The following FIGN variants were observed in gnomAD, a reference collection of about 807,000 sequenced individuals.
FIGN encodes fidgetin.
In FIGN, 11 loss-of-function variants were observed where a neutral mutation model predicts 51.3. The ratio of observed to expected loss-of-function variants is 0.21; its 90% CI spans 0.13 to 0.35. The LOEUF (loss-of-function observed/expected upper bound fraction) is 0.35, where lower values mean the gene tolerates loss of function less well. Among genes scored for constraint, FIGN ranks in the 10% least tolerant of loss-of-function variants. The pLI is 1.00. For missense variants in FIGN, 857 were observed against 943.6 expected (o/e 0.91, Z 1.20); for synonymous variants, 407 against 363.2 (o/e 1.12, Z -1.37).
chr2:163,694,038 C>T (rs1232104048), intron 2 of FIGN, among the ~76,000 whole-genome samples: 1 of 152,160 alleles, frequency 6.6e-6, no homozygotes, highest in Non-Finnish European at 1.5e-5. Context: ...GCTGGAGCAT[C>T]CAGCAGCTCT....
intron 2 of FIGN, among the ~76,000 whole-genome samples, chr2:163,614,822 T>TA (rs1558996628): frequency 3.3e-5 from 5 of 152,068 alleles, no homozygotes; most frequent in Non-Finnish European, 2.9e-5. Context: ...GCTTATTTTT[T>TA]TAAAAAAACA....
At chr2:163,646,173 A>G (rs929506428) in intron 2 of FIGN, among the ~76,000 whole-genome samples, 230 of 152,332 alleles carry the variant, frequency 1.5e-3, no homozygotes, top group African/African-American at 5.1e-3. Context: ...ATCTGCTCAA[A>G]ACCCTTCAAC....
intron 2 of FIGN, among the ~76,000 whole-genome samples, chr2:163,708,793 G>A (rs535054692): frequency 6.6e-6 from 1 of 152,142 alleles, no homozygotes; most frequent in Admixed American, 6.5e-5. Context: ...AGAAAAACAA[G>A]GTAGACACAG....
At chr2:163,706,874 C>CA (rs1404197860) in intron 2 of FIGN, among the ~76,000 whole-genome samples, 8 of 151,554 alleles carry the variant, frequency 5.3e-5, no homozygotes, top group Non-Finnish European at 8.8e-5. Context: ...TTAAAACAAA[C>CA]AAAAAAAATT....
At chr2:163,704,156 A>T (rs534344181) in intron 2 of FIGN, among the ~76,000 whole-genome samples, 2 of 152,266 alleles carry the variant, frequency 1.3e-5, no homozygotes, top group East Asian at 3.9e-4. Flanking sequence ...CCCATTTGAA[A>T]CATCCAAAAA....
chr2:163,660,690 T>C lies in FIGN; in HGVS notation c.26-48884A>G, dbSNP rs202246883. On this transcript the variant is annotated intron_variant, in intron 2 of 2. Coordinates refer to ENST00000333129, the MANE Select transcript of FIGN (RefSeq NM_018086.4). Reference sequence around the variant, plus strand: ...ATATACATATATATATATATACACATATACATATATATGTATACACATATA... The same window carrying C: ...ATATACATATATATATATATACACACATACATATATATGTATACACATATA... 1.8e-4 allele frequency among the ~76,000 whole-genome samples: 19 copies of C among 103,444 alleles called. 1 individual carries two copies. Among genetic ancestry groups the C allele is most frequent in the Non-Finnish European group, 1.9e-4 (9 of 48,230 alleles). 67.9% of individuals were successfully genotyped at this position (103,444 alleles called of 152,430 possible).
At chr2:163,639,200 A>G (rs1423270053) in intron 2 of FIGN, among the ~76,000 whole-genome samples, 1 of 152,140 alleles carries the variant, frequency 6.6e-6, no homozygotes, top group African/African-American at 2.4e-5. Context: ...TTACCTCTCA[A>G]GTGTGGTTTT....
At chr2:163,653,013 A>G (rs564584372) in intron 2 of FIGN, among the ~76,000 whole-genome samples, 1 of 152,032 alleles carries the variant, frequency 6.6e-6, no homozygotes, top group Non-Finnish European at 1.5e-5. Context: ...TTAAGAGAGA[A>G]GATTTGGAGC....
intron 2 of FIGN, among the ~76,000 whole-genome samples, chr2:163,713,448 CCACACACA>C (rs145575229): frequency 6.7e-6 from 1 of 148,358 alleles, no homozygotes; most frequent in South Asian, 2.1e-4. Context: ...CTTTCACACA[CCACACACA>C]CACACACACA....
intron 2 of FIGN, among the ~76,000 whole-genome samples, chr2:163,720,639 C>T (rs1485658171): frequency 1.3e-5 from 2 of 152,084 alleles, no homozygotes; most frequent in Non-Finnish European, 2.9e-5. Flanking sequence ...GACAGACTTG[C>T]ACCACTTAGT....
Position 163,607,546 on chromosome 2 carries a change from A to G in FIGN, c.*2006T>C, listed in dbSNP as rs7583527. The G allele has an allele frequency of 0.53, 81,039 of 152,250 alleles. 24,057 individuals carry two copies. Among genetic ancestry groups the G allele is most frequent in the Non-Finnish European group, 0.67 (45,773 of 67,912 alleles). The allele number at this position is 152,250 out of a possible 1,614,324, so 9.4% of individuals were successfully genotyped here. ...GCTTTCTCTATGTTAAGTGTTTCAG[A>G]GAATTGGATATTGTGGATAAGATCG... On this transcript the variant is annotated 3_prime_UTR_variant, in exon 3 of 3. Transcript: ENST00000333129.
chr2:163,722,817 T>G (rs1284323280), intron 2 of FIGN, among the ~76,000 whole-genome samples: 1 of 152,036 alleles, frequency 6.6e-6, no homozygotes, highest in South Asian at 2.1e-4. Flanking sequence ...AATTTTTTAA[T>G]GAAATATACA....
chr2:163,694,237 A>C (rs1684282408), intron 2 of FIGN, among the ~76,000 whole-genome samples: 1 of 152,210 alleles, frequency 6.6e-6, no homozygotes, highest in Non-Finnish European at 1.5e-5. Flanking sequence ...CTTGGGATAG[A>C]ATTTTTTACA....
intron 2 of FIGN, among the ~76,000 whole-genome samples, chr2:163,717,893 G>A (rs1433615213): frequency 1.3e-5 from 2 of 152,152 alleles, no homozygotes; most frequent in Non-Finnish European, 2.9e-5. Flanking sequence ...AAATGTAAAT[G>A]AATGGTTTAA....
chr2:163,646,023 A>G (rs752704620), intron 2 of FIGN, among the ~76,000 whole-genome samples: 20 of 152,140 alleles, frequency 1.3e-4, no homozygotes, highest in Non-Finnish European at 2.6e-4. Flanking sequence ...TAGGATGAAA[A>G]TTATTATTTT....
chr2:163,633,096 A>T (rs931640775), intron 2 of FIGN, among the ~76,000 whole-genome samples: 4 of 152,018 alleles, frequency 2.6e-5, no homozygotes, highest in African/African-American at 9.7e-5. Flanking sequence ...AGATGGGAGG[A>T]TTGCTTGAGC....
Position 163,712,794 on chromosome 2 carries a change from A to T in FIGN, c.25+22109T>A, listed in dbSNP as rs190676097. Among the ~76,000 whole-genome samples the T allele has an allele frequency of 2.1e-3, 323 of 152,314 alleles. 1 individual carries two copies. The highest frequency in any genetic ancestry group is 7.2e-3 in the African/African-American group (301 of 41,572). On this transcript the variant is annotated intron_variant, in intron 2 of 2. Transcript: ENST00000333129. ...CATTATAGCAATTTTTATTTTTATT[A>T]ACACAAACAACCTCCAAAAGAAATG...
chr2:163,625,632 A>G (rs13026946), intron 2 of FIGN, among the ~76,000 whole-genome samples: 3,508 of 152,150 alleles, frequency 0.023, 127 homozygotes, highest in African/African-American at 0.072. Context: ...GCTAAAATAA[A>G]TATATTATCT....
rs1573981547 is a variant in FIGN at position 163,735,005 on chromosome 2, C to T, written c.-78G>A. 1 of 1,487,120 alleles carries T rather than the reference C, an allele frequency of 6.7e-7. No homozygotes were observed. The highest frequency in any genetic ancestry group is 2.3e-5 in the East Asian group (1 of 43,568). 92.1% of individuals were successfully genotyped at this position (1,487,120 alleles called of 1,614,324 possible). A position where few individuals can be genotyped will look rare whatever the true frequency, so the allele number is the denominator to read the frequency against. ...CAAAGGTTGCTTTTCATTAAAGCCA[C>T]TTTTCCTCTCAGCTATCAAATGTCA... On this transcript the variant is annotated 5_prime_UTR_variant, in exon 2 of 3. It adds an upstream start codon to the 5' untranslated region. Transcript: ENST00000333129.
Sources: allele counts gnomAD v4.1 joint callset (sites outside exome capture counted in the v4.1 genomes callset), GRCh38; gene constraint gnomAD v4.1.1; transcripts MANE v1.5; gene names NCBI Gene and HGNC (gene_info 2026-07-23, HGNC 2026-07-21).